The following RECQL variants were observed in gnomAD, a reference collection of about 807,000 sequenced individuals.
RECQL encodes RecQ like helicase, also known as ATP-dependent DNA helicase Q1.
A neutral mutation model predicts 75.8 loss-of-function variants in RECQL; 73 were observed. The observed-to-expected ratio is 0.96, with a 90% CI of 0.80 to 1.17. RECQL has a LOEUF of 1.17. Among genes scored for constraint, RECQL ranks in the 50% most tolerant of loss-of-function variants. The pLI, the probability that RECQL is intolerant of heterozygous loss-of-function variation, is 0.00. For missense variants in RECQL, 699 were observed against 772.1 expected, an observed-to-expected ratio of 0.91 and a Z score of 1.12; for synonymous variants, 248 against 254.4, an observed-to-expected ratio of 0.97 and a Z score of 0.24.
chr12:21,472,353 C>T (rs528691987), intron 12 of RECQL, among the ~76,000 whole-genome samples: 1 of 152,166 alleles, frequency 6.6e-6, no homozygotes, highest in South Asian at 2.1e-4. Flanking sequence ...AGCAAGCCAA[C>T]AGAGTAAAGT....
At position 21,477,092 on chromosome 12, in the gene RECQL, G is replaced by GT. The variant is rs199669076; in HGVS notation, c.868-101dup. 582 of 741,510 alleles carry GT rather than the reference G, an allele frequency of 7.8e-4. 3 individuals are homozygous for GT. In the East Asian group the frequency reaches 0.013, roughly 16 times the overall value. The allele number at this position is 741,510 out of a possible 1,614,324, so 45.9% of individuals were successfully genotyped here. A position where few individuals can be genotyped will look rare whatever the true frequency, so the allele number is the denominator to read the frequency against. Reference sequence around the variant, plus strand: ...GATGCAGTTCTTTCATGACCATAGTGTTTTTTTTCCTATTACTCTTTCACT... The same window carrying GT: ...GATGCAGTTCTTTCATGACCATAGTGTTTTTTTTTCCTATTACTCTTTCACT... On this transcript the variant is annotated intron_variant, in intron 7 of 14. Transcript: ENST00000444129.
chr12:21,476,367 C>T (rs1943087386), intron 8 of RECQL, among the ~76,000 whole-genome samples: 1 of 152,048 alleles, frequency 6.6e-6, no homozygotes, highest in Non-Finnish European at 1.5e-5. Flanking sequence ...AGGACTACCT[C>T]CTGAAAATCT....
chr12:21,473,667 A>G (rs761292621), intron 11 of RECQL, 25 bp from the exon 12 acceptor site: 4 of 1,585,952 alleles, frequency 2.5e-6, no homozygotes, highest in Non-Finnish European at 3.5e-6. Context: ...AAAGATACAA[A>G]TTATTAAAGG....
chr12:21,487,186 G>A (rs142183395), intron 4 of RECQL, among the ~76,000 whole-genome samples: 202 of 152,070 alleles, frequency 1.3e-3, no homozygotes, highest in African/African-American at 4.8e-3. Flanking sequence ...ATTTGCTATC[G>A]TTTTAAATAA....
chr12:21,484,502 G>C (rs1943252808), intron 5 of RECQL, among the ~76,000 whole-genome samples: 1 of 152,142 alleles, frequency 6.6e-6, no homozygotes, highest in Non-Finnish European at 1.5e-5. Context: ...GGAAGGAGCA[G>C]TTATAATAGA....
intron 11 of RECQL, among the ~76,000 whole-genome samples, chr12:21,474,291 ACTGT>A (rs530527791): frequency 6.6e-6 from 1 of 151,976 alleles, no homozygotes; most frequent in African/African-American, 2.4e-5. Flanking sequence ...CATTTCTATC[ACTGT>A]CTGGCTGCTA....
chr12:21,475,336 A>C (rs1943063464), intron 10 of RECQL, 132 bp downstream of exon 10: 1 of 625,016 alleles, frequency 1.6e-6, no homozygotes. Context: ...AGTAAGTGTC[A>C]AACTGCTAAA....
In RECQL at chr12:21,473,172, TGG is replaced by T. The variant is rs1371556918; in HGVS notation, c.1447+377_1447+378del. 9.2e-5 allele frequency among the ~76,000 whole-genome samples: 14 copies of T among 152,270 alleles called. No homozygotes were observed. In the South Asian group the frequency reaches 2.9e-3, roughly 32 times the overall value. On this transcript the variant is annotated intron_variant, in intron 12 of 14. Transcript: ENST00000444129. ...TGCCACATAATATTTTGGTCGGTGA[TGG>T]ACCACGTATATGCCAGTGGTCCCAA...
rs370785080 is a variant in RECQL at position 21,471,619 on chromosome 12, G to C, written c.1476C>G (p.Tyr492Ter). ...SAFERKNITEYCRDLIKILKQ... is the reference protein window; with the variant it reads ...SAFERKNITE The stretch of plus-strand genomic sequence containing the variant: ...TCAGGATCTTGATTAGATCTCTGCA[G>C]TACTCTGTTATGTTCTTTCTTTCAA... The change falls in exon 13 of 15, where the codon TAC becomes TAG. Residue 492 changes from tyrosine to a stop codon, truncating the protein, a stop_gained. Coordinates refer to ENST00000444129, the MANE Select transcript of RECQL (RefSeq NM_002907.4). LOFTEE classifies it high-confidence loss of function. 61 of 1,612,390 alleles carry C rather than the reference G, an allele frequency of 3.8e-5. No homozygotes were observed. The highest frequency in any genetic ancestry group is 4.8e-5 in the Non-Finnish European group (56 of 1,178,944).
chr12:21,480,885 T>G (rs1451648422), intron 6 of RECQL, among the ~76,000 whole-genome samples: 1 of 152,258 alleles, frequency 6.6e-6, no homozygotes, highest in Non-Finnish European at 1.5e-5. Flanking sequence ...GTCTTATTTG[T>G]TCCAATCTTT....
intron 5 of RECQL, among the ~76,000 whole-genome samples, chr12:21,485,456 G>A (rs1473335051): frequency 1.3e-5 from 2 of 151,722 alleles, no homozygotes; most frequent in Non-Finnish European, 2.9e-5. Flanking sequence ...CAAAGAATTT[G>A]CATGGGAAAT....
chr12:21,473,601 CA>C lies in RECQL; in HGVS notation c.1396del (p.Trp466GlyfsTer24). The C allele has an allele frequency of 6.2e-7, 1 of 1,612,896 alleles. No homozygotes were observed. The highest frequency in any genetic ancestry group is 1.1e-5 in the South Asian group (1 of 91,038). ...CATTTTGTTACATGCTTCTGAGTTC[CA>C]TACTTCATCAAAATGTTGAGCCATC... ...VLMAQHFDEV[W>X]NSEACNKMCD... On this transcript the variant is annotated frameshift_variant, in exon 12 of 15. Coordinates refer to ENST00000444129, the MANE Select transcript of RECQL (RefSeq NM_002907.4). LOFTEE classifies it high-confidence loss of function.
chr12:21,487,550 T>G (rs1422384325), intron 4 of RECQL, among the ~76,000 whole-genome samples: 1 of 152,248 alleles, frequency 6.6e-6, no homozygotes, highest in African/African-American at 2.4e-5. Context: ...AGAGCAGACA[T>G]GTTTAAAAAA....
rs1942895971 is a variant in RECQL at position 21,470,061 on chromosome 12, T to G, written c.*133A>C. On this transcript the variant is annotated 3_prime_UTR_variant, in exon 15 of 15. Coordinates refer to ENST00000444129, the MANE Select transcript of RECQL (RefSeq NM_002907.4). ...TCTCAAAAGTTTAGATCTTCAGAGA[T>G]AAGCTCTGAAAATATAGATCCATAC... The G allele has an allele frequency of 1.5e-6, 1 of 647,766 alleles. No homozygotes were observed. Among genetic ancestry groups the G allele is most frequent in the Non-Finnish European group, 2.5e-6 (1 of 406,032 alleles). 40.1% of individuals were successfully genotyped at this position (647,766 alleles called of 1,614,324 possible).
Position 21,483,496 on chromosome 12 carries a change from T to C in RECQL, c.580A>G (p.Ile194Val). 1.3e-6 allele frequency: 2 copies of C among 1,588,566 alleles called. No homozygotes were observed. Among genetic ancestry groups the C allele is most frequent in the South Asian group, 2.3e-5 (2 of 86,214 alleles). Residue 194 changes from isoleucine (I) to valine (V), a missense_variant, in exon 6 of 15, where the codon ATT becomes GTT. Ile to Val is a conservative substitution (Grantham distance 29). Transcript: ENST00000444129. Reference sequence around the variant, plus strand: ...GACATAAACATTTTGCTTTTTGCAATTTTCTCTGGAGTCACATAAATCAGC... The same window carrying C: ...GACATAAACATTTTGCTTTTTGCAACTTTCTCTGGAGTCACATAAATCAGC... Reference protein sequence around the residue: ...LKLIYVTPEKIAKSKMFMSRL... With the variant: ...LKLIYVTPEKVAKSKMFMSRL...
chr12:21,492,305 A>G (rs112225953), intron 2 of RECQL, among the ~76,000 whole-genome samples: 1 of 152,224 alleles, frequency 6.6e-6, no homozygotes, highest in African/African-American at 2.4e-5. Flanking sequence ...CTTTGTAACT[A>G]ATCTATAAAG....
intron 2 of RECQL, among the ~76,000 whole-genome samples, chr12:21,495,067 G>A (rs1185801472): frequency 6.6e-6 from 1 of 152,170 alleles, no homozygotes; most frequent in Admixed American, 6.5e-5. Flanking sequence ...TACTTGATTT[G>A]TAACACGCAG....
chr12:21,473,977 A>C (rs903694270), intron 11 of RECQL, among the ~76,000 whole-genome samples: 2 of 152,118 alleles, frequency 1.3e-5, no homozygotes, highest in African/African-American at 2.4e-5. Flanking sequence ...CATACAGGTT[A>C]GGAATTAGGA....
chr12:21,481,804 A>T lies in RECQL; in HGVS notation c.700+1572T>A, dbSNP rs80326507. Among the ~76,000 whole-genome samples, 19 of 152,176 alleles carry T rather than the reference A, an allele frequency of 1.2e-4. No homozygotes were observed. In the East Asian group the frequency reaches 3.7e-3, roughly 29 times the overall value. ...GGAAGAGCGAAGGAGGTGAGAATGG[A>T]AGGGAAGACACTGAACAGCACTGCT... On this transcript the variant is annotated intron_variant, in intron 6 of 14. Transcript: ENST00000444129.
Sources: allele counts gnomAD v4.1 joint callset (sites outside exome capture counted in the v4.1 genomes callset), GRCh38; gene constraint gnomAD v4.1.1; transcripts MANE v1.5; gene names NCBI Gene and HGNC (gene_info 2026-07-23, HGNC 2026-07-21).